Variants in KCTD1 observed in about 807,000 individuals in gnomAD.
The protein encoded by KCTD1 is BTB/POZ domain-containing protein KCTD1.
KCTD1 carries 24 observed loss-of-function variants against 66.0 expected under a neutral mutation model. The ratio of observed to expected loss-of-function variants is 0.36; its 90% CI spans 0.26 to 0.51. The LOEUF (loss-of-function observed/expected upper bound fraction) is 0.51. KCTD1 is among the 20% of genes least tolerant of loss of function. The pLI is 0.95. For synonymous variants in KCTD1, 511 were observed against 517.2 expected, an observed-to-expected ratio of 0.99 and a Z score of 0.16; for missense variants, 943 against 1,205.2, an observed-to-expected ratio of 0.78 and a Z score of 3.22.
At chr18:26,578,851 G>A (rs1986288936) in intron 1 of KCTD1, among the ~76,000 whole-genome samples, 2 of 152,174 alleles carry the variant, frequency 1.3e-5, no homozygotes, top group African/African-American at 4.8e-5. Flanking sequence ...TTCCGTGGAG[G>A]TTATCCAGTG....
upstream of KCTD1, chr18:26,549,674 G>C: frequency 1.0e-6 from 1 of 974,074 alleles, no homozygotes; most frequent in Non-Finnish European, 1.2e-6. Flanking sequence ...CTTGTGTCTC[G>C]GCCGACCCTG....
intron 1 of KCTD1, among the ~76,000 whole-genome samples, chr18:26,620,371 A>C (rs868857883): frequency 0.028 from 3,785 of 137,270 alleles, 230 homozygotes; most frequent in African/African-American, 0.075. Flanking sequence ...AAAAAAAAAA[A>C]AAAAAAAAAA....
chr18:26,643,651 G>A (rs1199397447), upstream of KCTD1, among the ~76,000 whole-genome samples: 1 of 152,216 alleles, frequency 6.6e-6, no homozygotes, highest in African/African-American at 2.4e-5. Context: ...AGTTAGCTGG[G>A]TACTGCCAGG....
intron 1 of KCTD1, among the ~76,000 whole-genome samples, chr18:26,528,513 G>A (rs757457378): frequency 6.6e-6 from 1 of 152,068 alleles, no homozygotes; most frequent in Non-Finnish European, 1.5e-5. Context: ...TTTTAAAAAC[G>A]TACGGGATCC....
intron 1 of KCTD1, among the ~76,000 whole-genome samples, chr18:26,532,257 C>CTTTTTTTTTTTTTT (rs757573584): frequency 7.8e-6 from 1 of 128,194 alleles, no homozygotes; most frequent in Non-Finnish European, 1.6e-5. Flanking sequence ...TCTTTTCTTT[C>CTTTTTTTTTTTTTT]CTTCTTTTTT....
chr18:26,643,827 T>C (rs1488780861), upstream of KCTD1, among the ~76,000 whole-genome samples: 3 of 152,134 alleles, frequency 2.0e-5, no homozygotes, highest in Non-Finnish European at 4.4e-5. Context: ...CCGGGCTTGG[T>C]GGCGGGTGCC....
intron 1 of KCTD1, among the ~76,000 whole-genome samples, chr18:26,595,253 T>C (rs1986740491): frequency 6.6e-6 from 1 of 152,218 alleles, no homozygotes; most frequent in Non-Finnish European, 1.5e-5. Context: ...CATACATTTC[T>C]TATTTCCAAC....
chr18:26,484,119 C>T (rs537628923), intron 2 of KCTD1, among the ~76,000 whole-genome samples: 35 of 152,236 alleles, frequency 2.3e-4, no homozygotes, highest in African/African-American at 7.7e-4. Context: ...GCATTTAATT[C>T]GTTTAAAGTA....
intron 1 of KCTD1, among the ~76,000 whole-genome samples, chr18:26,621,616 C>A (rs1293691106): frequency 6.6e-6 from 1 of 152,154 alleles, no homozygotes; most frequent in Non-Finnish European, 1.5e-5. Context: ...TAATAGGAAA[C>A]TTGCACAAGG....
chr18:26,504,474 C>T (rs1396470784), intron 1 of KCTD1, among the ~76,000 whole-genome samples: 1 of 152,142 alleles, frequency 6.6e-6, no homozygotes, highest in East Asian at 1.9e-4. Context: ...CAAAGTGATC[C>T]TCCTGCCTCG....
intron 1 of KCTD1, among the ~76,000 whole-genome samples, chr18:26,507,735 G>A (rs933556164): frequency 5.9e-5 from 9 of 151,796 alleles, no homozygotes; most frequent in Admixed American, 3.9e-4. Flanking sequence ...GATGCCCTGT[G>A]GATTTGGAAG....
chr18:26,500,726 A>G (rs1050920538), intron 2 of KCTD1, among the ~76,000 whole-genome samples: 1 of 152,184 alleles, frequency 6.6e-6, no homozygotes, highest in African/African-American at 2.4e-5. Context: ...AACCTATAAG[A>G]AAGCATGTTT....
intron 1 of KCTD1, chr18:26,581,155 A>T (rs1159206755): frequency 1.3e-5 from 2 of 152,254 alleles, no homozygotes; most frequent in Non-Finnish European, 2.9e-5. Flanking sequence ...GTTAAGTAAA[A>T]CAAACAAAAA....
intron 1 of KCTD1, among the ~76,000 whole-genome samples, chr18:26,647,016 T>C (rs1450693236): frequency 6.6e-6 from 1 of 152,172 alleles, no homozygotes; most frequent in Non-Finnish European, 1.5e-5. Context: ...TCTCTGTGAC[T>C]CCACTGGTCT....
chr18:26,546,733 T>TGGGGGAAACAATAGC lies in KCTD1; in HGVS notation c.1789_1803dup (p.Ala597_Pro601dup). ...ATAGAGTTTGGTTTGGTTACCTGGG[T>TGGGGGAAACAATAGC]GGGGGAAACAATAGCAGGTGAAACT... On this transcript the variant is annotated inframe_insertion, in exon 1 of 5. Transcript: ENST00000580059. 6.5e-7 allele frequency: 1 copy of TGGGGGAAACAATAGC among 1,546,328 alleles called. No homozygotes were observed. The highest frequency in any genetic ancestry group is 8.7e-7 in the Non-Finnish European group (1 of 1,144,984).
chr18:26,588,884 C>CA (rs373186861), intron 1 of KCTD1, among the ~76,000 whole-genome samples: 23,100 of 152,024 alleles, frequency 0.15, 1,803 homozygotes, highest in East Asian at 0.26. Context: ...CTAATATATA[C>CA]AGTATAGAGC....
chr18:26,586,769 TTC>T, intron 1 of KCTD1, among the ~76,000 whole-genome samples: 1 of 145,524 alleles, frequency 6.9e-6, no homozygotes. Context: ...AGCCACAACA[TTC>T]CCTTAAGCCA....
At chr18:26,462,191 T>G (rs1980470293) in intron 3 of KCTD1, among the ~76,000 whole-genome samples, 1 of 152,220 alleles carries the variant, frequency 6.6e-6, no homozygotes. Context: ...CTCCAATTCA[T>G]TGTTACCCAC....
Position 26,518,331 on chromosome 18 carries a change from C to T in KCTD1, c.1810-17081G>A, listed in dbSNP as rs537521710. On this transcript the variant is annotated intron_variant, in intron 1 of 4. Transcript: ENST00000580059. ...TTTTTTTTTTTGAGACAGAGTCTCA[C>T]TCTGTTGCCCAGGCTGGGTCTGCCT... 6.6e-5 allele frequency among the ~76,000 whole-genome samples: 10 copies of T among 151,822 alleles called. No individual in the cohort carries two copies. The East Asian group carries it at 9.7e-4, about 15-fold the overall frequency.
Sources: gnomAD v4.1 joint callset for allele counts (sites outside exome capture counted in the v4.1 genomes callset) on GRCh38, gnomAD v4.1.1 for gene constraint, MANE v1.5 for transcripts, NCBI Gene and HGNC (gene_info 2026-07-23, HGNC 2026-07-21) for gene names.